Variants in SCGB2B2 observed in about 807,000 individuals in gnomAD.
The protein encoded by SCGB2B2 is secretoglobin-like protein.
A neutral mutation model predicts 7.6 loss-of-function variants in SCGB2B2; 11 were observed. That is an observed-to-expected ratio of 1.45 (90% CI 0.91 to 2.40). The LOEUF (loss-of-function observed/expected upper bound fraction) is 2.40, where lower values mean the gene tolerates loss of function less well. SCGB2B2 is among the 30% of genes most tolerant of loss of function. SCGB2B2 has a pLI of 0.00. For missense variants in SCGB2B2, 104 were observed against 115.4 expected, an observed-to-expected ratio of 0.90 and a Z score of 0.45; for synonymous variants, 50 against 48.6, an observed-to-expected ratio of 1.03 and a Z score of -0.12.
intron 1 of SCGB2B2, among the ~76,000 whole-genome samples, chr19:34,667,410 C>T (rs986519101): frequency 6.6e-6 from 1 of 152,132 alleles, no homozygotes; most frequent in Non-Finnish European, 1.5e-5. Context: ...GCAGCCTGTC[C>T]GGCCCAGGAG....
chr19:34,655,894 G>A (rs1472169825), intron 1 of SCGB2B2, among the ~76,000 whole-genome samples: 2 of 151,096 alleles, frequency 1.3e-5, no homozygotes, highest in Non-Finnish European at 2.9e-5. Flanking sequence ...CTGCCAAACT[G>A]TAGCCCTGAA....
At chr19:34,612,078 G>T (rs1291749319) in intron 1 of SCGB2B2, among the ~76,000 whole-genome samples, 2 of 112,036 alleles carry the variant, frequency 1.8e-5, no homozygotes, top group Admixed American at 2.4e-4. Flanking sequence ...TCACTCTGTT[G>T]CCAGGCTGGA....
chr19:34,665,713 GGTGA>G lies in SCGB2B2; in HGVS notation c.-2032+9913_-2032+9916del, dbSNP rs779604283. ...AGAGGTGAGTGGCTGGGCACAGGCAGGTGAGTGAGTGACAGCTACACAAACCCCA... is the reference window on the plus strand; with the variant it reads ...AGAGGTGAGTGGCTGGGCACAGGCAGGTGAGTGACAGCTACACAAACCCCA... On this transcript the variant is annotated intron_variant, in intron 1 of 3. Transcript: ENST00000601241. 9.9e-5 allele frequency among the ~76,000 whole-genome samples: 15 copies of G among 152,190 alleles called. No homozygotes were observed. The South Asian group carries it at 1.9e-3, about 19-fold the overall frequency.
intron 1 of SCGB2B2, among the ~76,000 whole-genome samples, chr19:34,610,169 C>T (rs958120625): frequency 6.6e-6 from 1 of 151,894 alleles, no homozygotes; most frequent in Admixed American, 6.6e-5. Context: ...GTATCATGTG[C>T]CTTTACTGAA....
intron 1 of SCGB2B2, among the ~76,000 whole-genome samples, chr19:34,632,348 C>A (rs1450935832): frequency 2.0e-5 from 3 of 152,162 alleles, no homozygotes; most frequent in Admixed American, 1.3e-4. Context: ...GAAGACTATA[C>A]TGGCAAATCA....
intron 1 of SCGB2B2, among the ~76,000 whole-genome samples, chr19:34,658,179 T>G (rs961527644): frequency 1.3e-5 from 2 of 151,824 alleles, no homozygotes; most frequent in African/African-American, 4.8e-5. Flanking sequence ...ACATCACAAT[T>G]AAAAGAACGA....
intron 1 of SCGB2B2, among the ~76,000 whole-genome samples, chr19:34,641,255 T>C (rs2066832200): frequency 6.6e-6 from 1 of 152,220 alleles, no homozygotes; most frequent in Non-Finnish European, 1.5e-5. Flanking sequence ...TGGTGCACTG[T>C]ATCCTGTCAA....
chr19:34,641,911 T>C (rs1230068174), intron 1 of SCGB2B2, among the ~76,000 whole-genome samples: 1 of 152,206 alleles, frequency 6.6e-6, no homozygotes, highest in Non-Finnish European at 1.5e-5. Flanking sequence ...ATGTACACAT[T>C]AAATAAATTT....
At chr19:34,654,259 A>G (rs558495561) in intron 1 of SCGB2B2, among the ~76,000 whole-genome samples, 1 of 151,456 alleles carries the variant, frequency 6.6e-6, no homozygotes, top group East Asian at 1.9e-4. Flanking sequence ...GTTAATGAAG[A>G]GAGAAACATC....
intron 1 of SCGB2B2, among the ~76,000 whole-genome samples, chr19:34,613,746 A>T (rs1470174794): frequency 1.3e-5 from 2 of 151,954 alleles, no homozygotes; most frequent in African/African-American, 4.8e-5. Context: ...TGTTTTCATG[A>T]TAGTGATTAT....
intron 1 of SCGB2B2, among the ~76,000 whole-genome samples, chr19:34,674,048 A>T (rs545160317): frequency 5.3e-4 from 81 of 152,342 alleles, no homozygotes; most frequent in African/African-American, 1.7e-3. Context: ...CTATGCCCTG[A>T]GTCACATCTA....
At chr19:34,599,095 T>C (rs1160090908) in intron 1 of SCGB2B2, among the ~76,000 whole-genome samples, 3 of 152,244 alleles carry the variant, frequency 2.0e-5, no homozygotes, top group African/African-American at 7.2e-5. Context: ...GGGAGCTAGG[T>C]TGATACTGGG....
At chr19:34,607,274 T>G (rs1021859934) in intron 1 of SCGB2B2, among the ~76,000 whole-genome samples, 6 of 152,134 alleles carry the variant, frequency 3.9e-5, no homozygotes, top group Non-Finnish European at 7.4e-5. Context: ...TTATAAAACA[T>G]AGAAAGATAG....
downstream of SCGB2B2, among the ~76,000 whole-genome samples, chr19:34,588,368 T>C (rs1330195010): frequency 6.6e-6 from 1 of 152,186 alleles, no homozygotes; most frequent in East Asian, 1.9e-4. Context: ...AATTCACCCC[T>C]AGCTGAGGCC....
intron 1 of SCGB2B2, among the ~76,000 whole-genome samples, chr19:34,629,892 A>G (rs918851422): frequency 1.3e-5 from 2 of 152,028 alleles, no homozygotes; most frequent in Non-Finnish European, 2.9e-5. Context: ...CCAAAACAGC[A>G]AGGTACTGGT....
downstream of SCGB2B2, among the ~76,000 whole-genome samples, chr19:34,587,769 C>T (rs967393620): frequency 6.6e-5 from 10 of 152,120 alleles, no homozygotes; most frequent in Non-Finnish European, 1.2e-4. Context: ...CGTGCTTTTT[C>T]TGCACCTATC....
At chr19:34,639,064 C>T (rs555485079) in intron 1 of SCGB2B2, among the ~76,000 whole-genome samples, 1 of 152,290 alleles carries the variant, frequency 6.6e-6, no homozygotes, top group African/African-American at 2.4e-5. Context: ...AAAGCCGTAT[C>T]CTTTTACTTT....
chr19:34,611,255 T>C (rs2065918592), intron 1 of SCGB2B2, among the ~76,000 whole-genome samples: 2 of 152,196 alleles, frequency 1.3e-5, no homozygotes, highest in African/African-American at 4.8e-5. Flanking sequence ...ATTATTTTTA[T>C]CTTTTAAACA....
intron 1 of SCGB2B2, among the ~76,000 whole-genome samples, chr19:34,655,893 T>C (rs1176914460): frequency 6.6e-6 from 1 of 151,054 alleles, no homozygotes; most frequent in East Asian, 1.9e-4. Flanking sequence ...ACTGCCAAAC[T>C]GTAGCCCTGA....
Sources: allele counts gnomAD v4.1 joint callset (sites outside exome capture counted in the v4.1 genomes callset), GRCh38; gene constraint gnomAD v4.1.1; transcripts MANE v1.5; gene names NCBI Gene and HGNC (gene_info 2026-07-23, HGNC 2026-07-21).